Variants in TVP23A observed in about 807,000 individuals in gnomAD.
The protein encoded by TVP23A is Golgi apparatus membrane protein TVP23 homolog A.
A neutral mutation model predicts 31.7 loss-of-function variants in TVP23A; 21 were observed. That is an observed-to-expected ratio of 0.66 (90% CI 0.47 to 0.95). The LOEUF (loss-of-function observed/expected upper bound fraction) is 0.95, where lower values mean the gene tolerates loss of function less well. Ranked by LOEUF, TVP23A falls within the 40% of genes least tolerant of loss-of-function variation. The probability of loss-of-function intolerance (pLI) is 0.00; values close to 1 mark genes in which losing one functional copy is unlikely to be tolerated. For missense variants in TVP23A, 279 were observed against 255.6 expected (o/e 1.09, Z -0.62); for synonymous variants, 104 against 96.0 (o/e 1.08, Z -0.49).
rs755594458 is a variant in TVP23A, at chr16:10,774,976, C to G, written c.210G>C (p.Leu70=). Reference sequence around the variant, plus strand: ...CCTTCACAGACCAGAAGTCCAGGGACAGGAGGAGCAGCACCATGACAAAAC... The same window carrying G: ...CCTTCACAGACCAGAAGTCCAGGGAGAGGAGGAGCAGCACCATGACAAAAC... ...VGCFVMVLLL[L]SLDFWSVKNV... Residue 70 remains leucine (L), a synonymous_variant, in exon 3 of 8, where the codon CTG becomes CTC. Coordinates refer to ENST00000299866, the MANE Select transcript of TVP23A (RefSeq NM_001079512.4). 5 of 1,613,000 alleles carry G rather than the reference C, an allele frequency of 3.1e-6. No individual in the cohort carries two copies. In the South Asian group the frequency reaches 5.5e-5, roughly 18 times the overall value.
Position 10,779,575 on chromosome 16 carries a change from C to A in TVP23A, c.90-4479G>T, listed in dbSNP as rs1015395414. Among the ~76,000 whole-genome samples, 1 of 152,230 alleles carries A rather than the reference C, an allele frequency of 6.6e-6. No homozygotes were observed. The highest frequency in any genetic ancestry group is 1.5e-5 in the Non-Finnish European group (1 of 68,044). Reference sequence around the variant, plus strand: ...AGGCAAACAGCACAGGGGCATGGCACCAGCTGCGTGTGTTCCCGGACCAAC... The same window carrying A: ...AGGCAAACAGCACAGGGGCATGGCAACAGCTGCGTGTGTTCCCGGACCAAC... On this transcript the variant is annotated intron_variant, in intron 2 of 7. Transcript: ENST00000299866. This position sits in a 1 kb window ranked among gnomAD's most constrained non-coding sequence, Gnocchi z 4.9.
Position 10,818,134 on chromosome 16 carries a change from C to T in TVP23A, c.58G>A (p.Glu20Lys). The T allele has an allele frequency of 6.2e-7, 1 of 1,609,406 alleles. No individual in the cohort carries two copies. Among genetic ancestry groups the T allele is most frequent in the Non-Finnish European group, 8.5e-7 (1 of 1,178,060 alleles). The stretch of plus-strand genomic sequence containing the variant: ...TTGGCTTTCCTAAAGGCCAGCTCCT[C>T]CTCGTTTCCAAAGTCCAGGGACACA... ...EDVSLDFGNE[E>K]ELAFRKAKIR... Residue 20 changes from glutamate (E) to lysine (K), a missense_variant, in exon 2 of 8, where the codon GAG (glutamate) becomes AAG (lysine). By Grantham distance (56) the Glu-to-Lys change is moderately conservative (BLOSUM62 1). Transcript: ENST00000299866. The surrounding 1 kb of genome is among the most constrained non-coding windows in gnomAD (Gnocchi z 4.7).
chr16:10,780,190 C>T (rs1043826114), intron 2 of TVP23A, among the ~76,000 whole-genome samples: 7 of 152,186 alleles, frequency 4.6e-5, no homozygotes, highest in African/African-American at 1.7e-4. Context: ...TGAAGACCTT[C>T]CTCTGGAGCC....
At chr16:10,807,153 G>A (rs1343197026) in intron 2 of TVP23A, among the ~76,000 whole-genome samples, 4 of 152,178 alleles carry the variant, frequency 2.6e-5, no homozygotes, top group Admixed American at 1.3e-4. Flanking sequence ...ACTCATTGAG[G>A]TGAGCAGAAC....
chr16:10,778,334 G>C (rs113608846), intron 2 of TVP23A, among the ~76,000 whole-genome samples: 1 of 702 alleles, frequency 1.4e-3, no homozygotes, highest in Non-Finnish European at 0.021. Context: ...TCGCTGTCTC[G>C]AAGAATTAGA....
At chr16:10,790,279 ATTT>A (rs376916439) in intron 2 of TVP23A, among the ~76,000 whole-genome samples, 4,607 of 114,420 alleles carry the variant, frequency 0.04, 170 homozygotes, top group African/African-American at 0.15. Context: ...TTGGGGTAAA[ATTT>A]TTTTTTTTTT....
intron 2 of TVP23A, among the ~76,000 whole-genome samples, chr16:10,802,280 GTGTGTA>G (rs150473458): frequency 0.017 from 1,669 of 97,452 alleles, 17 homozygotes; most frequent in Middle Eastern, 0.078. Context: ...GTGTGTGTGT[GTGTGTA>G]TATGTGTGTG....
downstream of TVP23A, among the ~76,000 whole-genome samples, chr16:10,762,565 C>T (rs1037103221): frequency 3.9e-5 from 6 of 152,122 alleles, no homozygotes; most frequent in African/African-American, 1.4e-4. Flanking sequence ...GGGCGGGCCT[C>T]CGTTACTGGG....
chr16:10,758,997 T>C (rs1900761045), downstream of TVP23A, among the ~76,000 whole-genome samples: 1 of 152,186 alleles, frequency 6.6e-6, no homozygotes, highest in African/African-American at 2.4e-5. Flanking sequence ...CTGAGGGCTC[T>C]TCTCCATCTC....
At chr16:10,773,207 ATAATT>A (rs2031753212) in intron 5 of TVP23A, 101 bp downstream of exon 5, 4 of 1,382,578 alleles carry the variant, frequency 2.9e-6, no homozygotes, top group Non-Finnish European at 3.9e-6. Flanking sequence ...TAAACTTGTT[ATAATT>A]GATCAATCAA....
chr16:10,762,809 G>A (rs1335738800), downstream of TVP23A, among the ~76,000 whole-genome samples: 1 of 148,734 alleles, frequency 6.7e-6, no homozygotes, highest in South Asian at 2.2e-4. Flanking sequence ...GGTGGGGGCC[G>A]CGTGCTTGGG....
intron 2 of TVP23A, among the ~76,000 whole-genome samples, chr16:10,778,100 G>A (rs144138315): frequency 1.1e-3 from 166 of 152,262 alleles, no homozygotes; most frequent in African/African-American, 3.4e-3. Context: ...TTGGGAGGCC[G>A]AGGCAGGCAG....
At chr16:10,795,398 G>A (rs1156590585) in intron 2 of TVP23A, among the ~76,000 whole-genome samples, 1 of 151,918 alleles carries the variant, frequency 6.6e-6, no homozygotes, top group African/African-American at 2.4e-5. Context: ...TTACAGGCGT[G>A]CACTACCACG....
chr16:10,773,399 T>C lies in TVP23A; in HGVS notation c.367A>G (p.Ile123Val), dbSNP rs754464478. The C allele has an allele frequency of 6.8e-6, 11 of 1,610,448 alleles. No individual in the cohort carries two copies. The highest frequency in any genetic ancestry group is 9.3e-6 in the Non-Finnish European group (11 of 1,179,148). ...CAGATTATGAGGCCCAGCCAGAAGA[T>C]TCGTGCTTCAGCTTCTGTGGCAGCA... is the stretch of plus-strand genomic sequence containing the variant. Reference protein sequence around the residue: ...SIAATEAEARIFWLGLIICPM... With the variant: ...SIAATEAEARVFWLGLIICPM... Residue 123 changes from isoleucine (I) to valine (V), a missense_variant, in exon 5 of 8, where the codon ATC (isoleucine) becomes GTC (valine). Transcript: ENST00000299866.
chr16:10,797,023 C>A (rs2033425757), intron 2 of TVP23A, among the ~76,000 whole-genome samples: 1 of 150,640 alleles, frequency 6.6e-6, no homozygotes, highest in Non-Finnish European at 1.5e-5. Flanking sequence ...GAGCTCATCT[C>A]TACAAAAAAT....
intron 2 of TVP23A, among the ~76,000 whole-genome samples, chr16:10,792,328 T>C (rs2033150973): frequency 6.6e-6 from 1 of 152,208 alleles, no homozygotes; most frequent in Non-Finnish European, 1.5e-5. Flanking sequence ...ACCATGAAGA[T>C]GCTGGGTTCA....
rs2033110503 is a variant in TVP23A at position 10,791,672 on chromosome 16, A to G, written c.90-16576T>C. Among the ~76,000 whole-genome samples, 3 of 152,264 alleles carry G rather than the reference A, an allele frequency of 2.0e-5. No homozygotes were observed. In the South Asian group the frequency reaches 6.2e-4, roughly 32 times the overall value. On this transcript the variant is annotated intron_variant, in intron 2 of 7. Coordinates refer to ENST00000299866, the MANE Select transcript of TVP23A (RefSeq NM_001079512.4). The stretch of plus-strand genomic sequence containing the variant: ...GCCCAGGCTGGAGTGCAGTGGCACA[A>G]TCTTGGCTCACTGCAACCTCCGCCT...
chr16:10,793,723 T>C (rs1472387684), intron 2 of TVP23A, among the ~76,000 whole-genome samples: 3 of 151,394 alleles, frequency 2.0e-5, no homozygotes, highest in African/African-American at 7.3e-5. Flanking sequence ...AGGGAGACCC[T>C]GTCTCTACAA....
chr16:10,778,232 G>T (rs1376360739), intron 2 of TVP23A, among the ~76,000 whole-genome samples: 2 of 152,118 alleles, frequency 1.3e-5, no homozygotes, highest in African/African-American at 4.8e-5. Flanking sequence ...TACTCAGGAG[G>T]CTGAGGCAGG....
Sources: allele counts gnomAD v4.1 joint callset (sites outside exome capture counted in the v4.1 genomes callset), GRCh38; gene constraint gnomAD v4.1.1; non-coding constraint Gnocchi (gnomAD v3.1); transcripts MANE v1.5; gene names NCBI Gene and HGNC (gene_info 2026-07-23, HGNC 2026-07-21).